GABRB3: variants seen among roughly 807,000 people sequenced by gnomAD.
GABRB3 encodes the protein gamma-aminobutyric acid type A receptor subunit beta3, also known as gamma-aminobutyric acid receptor subunit beta-3.
Under a neutral mutation model 52.1 loss-of-function variants are expected in GABRB3, and 14 were observed. The ratio of observed to expected loss-of-function variants is 0.27; its 90% CI spans 0.18 to 0.42. GABRB3 has a LOEUF of 0.42. Among genes scored for constraint, GABRB3 ranks in the 10% least tolerant of loss-of-function variants. The pLI is 1.00. For synonymous variants in GABRB3, 260 were observed against 232.3 expected, an observed-to-expected ratio of 1.12 and a Z score of -1.08; for missense variants, 307 against 609.1, an observed-to-expected ratio of 0.50 and a Z score of 5.22.
chr15:26,547,310 C>G lies in GABRB3; in HGVS notation c.*483G>C. ...AGTGACTCATTTTAAACTAGCAATA[C>G]CACTGTATGAGTTTTCAAAGATTAA... On this transcript the variant is annotated 3_prime_UTR_variant, in exon 9 of 9. Transcript: ENST00000311550. The G allele has an allele frequency of 1.0e-5, 4 of 398,688 alleles. No individual in the cohort carries two copies. The highest frequency in any genetic ancestry group is 1.3e-5 in the Non-Finnish European group (3 of 226,000). 24.7% of individuals were successfully genotyped at this position (398,688 alleles called of 1,614,324 possible).
At chr15:26,638,949 G>C (rs1489541656) in intron 3 of GABRB3, among the ~76,000 whole-genome samples, 1 of 152,164 alleles carries the variant, frequency 6.6e-6, no homozygotes, top group Non-Finnish European at 1.5e-5. Context: ...CAAGAACACA[G>C]TCTTCCACTC....
chr15:26,773,275 C>T (rs1355380512), upstream of GABRB3, among the ~76,000 whole-genome samples: 1 of 150,244 alleles, frequency 6.7e-6, no homozygotes. Flanking sequence ...GCTCCCCTCC[C>T]GCCTCGGCGG....
chr15:26,692,822 C>CTACAGATACAATATAAATAA (rs1888627370), intron 3 of GABRB3, among the ~76,000 whole-genome samples: 1 of 152,190 alleles, frequency 6.6e-6, no homozygotes, highest in South Asian at 2.1e-4. Flanking sequence ...TGAATCAGAA[C>CTACAGATACAATATAAATAA]TACACACAAT....
intron 8 of GABRB3, among the ~76,000 whole-genome samples, chr15:26,560,361 T>A (rs1252133924): frequency 6.6e-6 from 1 of 152,182 alleles, no homozygotes; most frequent in Non-Finnish European, 1.5e-5. Flanking sequence ...GAGTCTTTCA[T>A]TGCCAGCTCC....
chr15:26,759,121 GTC>G (rs1489796411), intron 3 of GABRB3, among the ~76,000 whole-genome samples: 2 of 151,962 alleles, frequency 1.3e-5, no homozygotes, highest in Non-Finnish European at 2.9e-5. Flanking sequence ...AATTTTCCTG[GTC>G]TCTCTGCACA....
At chr15:26,604,564 C>A (rs898680044) in intron 4 of GABRB3, among the ~76,000 whole-genome samples, 1 of 152,096 alleles carries the variant, frequency 6.6e-6, no homozygotes, top group African/African-American at 2.4e-5. Context: ...GGCATAAAAA[C>A]AGACATACAG....
chr15:26,651,164 C>T (rs1470140479), intron 3 of GABRB3, among the ~76,000 whole-genome samples: 1 of 152,190 alleles, frequency 6.6e-6, no homozygotes, highest in Non-Finnish European at 1.5e-5. Flanking sequence ...CATCTGCAGA[C>T]AGTGGAGCTA....
chr15:26,766,983 A>C (rs1360838279), intron 3 of GABRB3, among the ~76,000 whole-genome samples: 1 of 152,144 alleles, frequency 6.6e-6, no homozygotes, highest in East Asian at 1.9e-4. Flanking sequence ...TCTAATATTA[A>C]ACACAAGCCT....
rs575299302 is a variant in GABRB3 at position 26,709,801 on chromosome 15, G to A, written c.240+62601C>T. Among the ~76,000 whole-genome samples, 21 of 152,148 alleles carry A rather than the reference G, an allele frequency of 1.4e-4. 3 individuals are homozygous for A. The South Asian group carries it at 4.4e-3, about 32-fold the overall frequency. On this transcript the variant is annotated intron_variant, in intron 3 of 8. Transcript: ENST00000311550. The stretch of plus-strand genomic sequence containing the variant: ...CAAAGTGCTGGGATTACAGGCGTGA[G>A]CCACCACACCCAGTCATAAACCTCT...
chr15:26,549,908 A>C (rs1416948238), intron 8 of GABRB3, among the ~76,000 whole-genome samples: 3 of 152,182 alleles, frequency 2.0e-5, no homozygotes, highest in Admixed American at 2.0e-4. Context: ...ACTTGCAATA[A>C]AACTTTTATT....
chr15:26,758,687 A>C (rs1174763441), intron 3 of GABRB3, among the ~76,000 whole-genome samples: 1 of 152,142 alleles, frequency 6.6e-6, no homozygotes, highest in Non-Finnish European at 1.5e-5. Context: ...CAGGTGTGCT[A>C]ATTTGGTTAC....
chr15:26,586,882 G>A (rs1388635557), intron 4 of GABRB3, among the ~76,000 whole-genome samples: 1 of 152,150 alleles, frequency 6.6e-6, no homozygotes, highest in Non-Finnish European at 1.5e-5. Context: ...GGTGGTGGCA[G>A]AAGCTGGAGG....
chr15:26,703,440 C>CA (rs1888999190), intron 3 of GABRB3, among the ~76,000 whole-genome samples: 1 of 152,206 alleles, frequency 6.6e-6, no homozygotes, highest in Non-Finnish European at 1.5e-5. Context: ...CCTGAGGACT[C>CA]ATTCAAACCA....
intron 5 of GABRB3, among the ~76,000 whole-genome samples, chr15:26,581,404 C>T (rs1890784276): frequency 6.6e-6 from 1 of 152,196 alleles, no homozygotes; most frequent in Admixed American, 6.5e-5. Flanking sequence ...GCTAATGCCA[C>T]CTTCCTGGTC....
intron 3 of GABRB3, among the ~76,000 whole-genome samples, chr15:26,719,214 G>A (rs895432837): frequency 6.6e-6 from 1 of 152,244 alleles, no homozygotes; most frequent in Non-Finnish European, 1.5e-5. Flanking sequence ...CACATGGCAG[G>A]TGCCCATGAG....
intron 3 of GABRB3, among the ~76,000 whole-genome samples, chr15:26,721,402 G>A (rs558411141): frequency 2.6e-5 from 4 of 151,990 alleles, no homozygotes; most frequent in South Asian, 2.1e-4. Flanking sequence ...ATGGAGAGGC[G>A]CCCGCTGAAA....
Position 26,697,834 on chromosome 15 carries a change from G to A in GABRB3, c.240+74568C>T, listed in dbSNP as rs116353988. Among the ~76,000 whole-genome samples the A allele has an allele frequency of 5.7e-3, 872 of 152,264 alleles. 14 individuals carry two copies. Among genetic ancestry groups the A allele is most frequent in the African/African-American group, 0.02 (839 of 41,544 alleles). On this transcript the variant is annotated intron_variant, in intron 3 of 8. Transcript: ENST00000311550. ...AGCTTCTTGAGGACCAGGCAACCAC[G>A]CTGTGCTCTCATTTGTTTCTCCACG... is the stretch of plus-strand genomic sequence containing the variant.
At chr15:26,631,363 T>C (rs566095020) in intron 3 of GABRB3, among the ~76,000 whole-genome samples, 2 of 152,224 alleles carry the variant, frequency 1.3e-5, no homozygotes, top group Admixed American at 6.5e-5. Flanking sequence ...GAATACACAT[T>C]TGAAAGCGGA....
chr15:26,589,221 A>G (rs1218707201), intron 4 of GABRB3, among the ~76,000 whole-genome samples: 3 of 152,264 alleles, frequency 2.0e-5, no homozygotes, highest in Non-Finnish European at 4.4e-5. Flanking sequence ...CAAACTCTTC[A>G]TGAATTGCAT....
Sources: gnomAD v4.1 joint callset for allele counts (sites outside exome capture counted in the v4.1 genomes callset) on GRCh38, gnomAD v4.1.1 for gene constraint, MANE v1.5 for transcripts, NCBI Gene and HGNC (gene_info 2026-07-23, HGNC 2026-07-21) for gene names.